Variants in RAD51C observed in about 807,000 individuals in gnomAD.
RAD51C encodes RAD51 paralog C.
Under a neutral mutation model 45.0 loss-of-function variants are expected in RAD51C, and 42 were observed. That is an observed-to-expected ratio of 0.93 (90% CI 0.73 to 1.21). The LOEUF (loss-of-function observed/expected upper bound fraction) is 1.21. Ranked by LOEUF, RAD51C falls within the 50% of genes most tolerant of loss-of-function variation. The pLI is 0.00. For synonymous variants in RAD51C, 172 were observed against 159.8 expected (o/e 1.08, Z -0.58); for missense variants, 474 against 452.2 (o/e 1.05, Z -0.44).
At chr17:58,706,297 C>T (rs1022382272) in intron 4 of RAD51C, among the ~76,000 whole-genome samples, 7 of 151,922 alleles carry the variant, frequency 4.6e-5, no homozygotes, top group Admixed American at 2.0e-4. Flanking sequence ...CATGGTGGTG[C>T]GTGCCTGTAG....
chr17:58,697,598 G>A (rs2048065240), intron 3 of RAD51C, among the ~76,000 whole-genome samples: 1 of 149,832 alleles, frequency 6.7e-6, no homozygotes, highest in African/African-American at 2.5e-5. Flanking sequence ...GGATTGTTAA[G>A]CAGATTGACT....
In RAD51C at chr17:58,724,121, A is replaced by G. The variant is rs752811386; in HGVS notation, c.965+21A>G. On this transcript the variant is annotated intron_variant, in intron 7 of 8. Coordinates refer to ENST00000337432, the MANE Select transcript of RAD51C (RefSeq NM_058216.3). ...CAAAGGTCAGTACAGAAACAAGTTA[A>G]TAACTCCGAATATTGGGTTAATTAT... is the stretch of plus-strand genomic sequence containing the variant. The G allele has an allele frequency of 5.0e-6, 8 of 1,584,438 alleles. No individual in the cohort carries two copies. In the South Asian group the frequency reaches 5.5e-5, roughly 11 times the overall value.
In RAD51C at chr17:58,723,231, T is replaced by C. The variant is rs371471687; in HGVS notation, c.905-809T>C. Among the ~76,000 whole-genome samples the C allele has an allele frequency of 2.0e-5, 3 of 152,268 alleles. No individual in the cohort carries two copies. The South Asian group carries it at 6.2e-4, about 32-fold the overall frequency. ...TCTACCTCACAAATTATATCCACCTTTTCATTTCCTTGCACTGTGTCTGCA... is the reference window on the plus strand; with the variant it reads ...TCTACCTCACAAATTATATCCACCTCTTCATTTCCTTGCACTGTGTCTGCA... On this transcript the variant is annotated intron_variant, in intron 6 of 8. Coordinates refer to ENST00000337432, the MANE Select transcript of RAD51C (RefSeq NM_058216.3).
intron 5 of RAD51C, among the ~76,000 whole-genome samples, chr17:58,712,381 G>A (rs1223615543): frequency 2.0e-5 from 3 of 147,370 alleles, no homozygotes; most frequent in African/African-American, 7.5e-5. Flanking sequence ...TTTAAGTTAT[G>A]TATGCTTTTT....
intron 3 of RAD51C, chr17:58,699,894 G>A (rs1283945578): frequency 6.6e-6 from 1 of 152,082 alleles, no homozygotes; most frequent in Non-Finnish European, 1.5e-5. Context: ...CTACCGCCCG[G>A]GCTGGAGTGC....
intron 4 of RAD51C, among the ~76,000 whole-genome samples, chr17:58,705,622 G>A (rs2567902): frequency 6.6e-6 from 1 of 152,026 alleles, no homozygotes; most frequent in Non-Finnish European, 1.5e-5. Context: ...GTGAGCCACC[G>A]TGCCTGACCC....
chr17:58,716,772 CTTT>C (rs754486379), intron 5 of RAD51C, among the ~76,000 whole-genome samples: 3 of 115,694 alleles, frequency 2.6e-5, no homozygotes, highest in Non-Finnish European at 1.8e-5. Flanking sequence ...TCTAATGTAA[CTTT>C]TTTTTTTTTT....
chr17:58,720,869 A>T (rs2143933641), intron 6 of RAD51C, 57 bp downstream of exon 6: 1 of 1,413,700 alleles, frequency 7.1e-7, no homozygotes, highest in Non-Finnish European at 9.9e-7. Flanking sequence ...TATCTCTTTC[A>T]TTTGATTCTC....
intron 1 of RAD51C, 64 bp from the exon 2 acceptor site, chr17:58,694,867 G>A (rs1260654371): frequency 1.0e-5 from 14 of 1,374,628 alleles, no homozygotes; most frequent in African/African-American, 8.6e-5. Flanking sequence ...AAAGACAATC[G>A]ATTATCATGT....
At chr17:58,731,315 A>G (rs2049412973) in intron 7 of RAD51C, among the ~76,000 whole-genome samples, 1 of 148,226 alleles carries the variant, frequency 6.7e-6, no homozygotes, top group Non-Finnish European at 1.5e-5. Flanking sequence ...GCTGGAGTGC[A>G]ATGGCATGAT....
intron 3 of RAD51C, among the ~76,000 whole-genome samples, chr17:58,699,283 G>A (rs1428732107): frequency 2.0e-5 from 3 of 152,178 alleles, no homozygotes; most frequent in South Asian, 4.1e-4. Flanking sequence ...TGGGATTACA[G>A]GCATGAGCTA....
chr17:58,720,663 G>A (rs1452804063), intron 5 of RAD51C, 83 bp from the exon 6 acceptor site: 5 of 1,017,634 alleles, frequency 4.9e-6, no homozygotes, highest in Non-Finnish European at 7.6e-6. Context: ...AGTAGAGATG[G>A]GGTTTCACAA....
chr17:58,711,968 A>G (rs2048570728), intron 5 of RAD51C, among the ~76,000 whole-genome samples: 1 of 151,940 alleles, frequency 6.6e-6, no homozygotes, highest in East Asian at 1.9e-4. Context: ...TGGAAGGCCA[A>G]AGTGGGAGGA....
At chr17:58,717,584 A>G (rs1356574855) in intron 5 of RAD51C, among the ~76,000 whole-genome samples, 3 of 152,102 alleles carry the variant, frequency 2.0e-5, no homozygotes, top group Non-Finnish European at 2.9e-5. Flanking sequence ...CAAAAATACA[A>G]GCTTAACCAG....
intron 3 of RAD51C, among the ~76,000 whole-genome samples, chr17:58,701,085 G>A (rs1230357186): frequency 6.6e-6 from 1 of 152,018 alleles, no homozygotes; most frequent in Non-Finnish European, 1.5e-5. Context: ...ATTTTTTGTA[G>A]AGACGGAGTT....
chr17:58,692,869 C>T (rs1455672005), intron 1 of RAD51C, 81 bp downstream of exon 1: 4 of 1,599,194 alleles, frequency 2.5e-6, no homozygotes, highest in African/African-American at 2.7e-5. Flanking sequence ...CCTCGGCCTT[C>T]AGCCCAGTCT....
chr17:58,695,444 T>C, intron 2 of RAD51C: 1 of 951,508 alleles, frequency 1.1e-6, no homozygotes, highest in Non-Finnish European at 1.4e-6. Flanking sequence ...AACAGGAAGT[T>C]TCTGCGTTAT....
In RAD51C at chr17:58,709,705, T is replaced by C; in HGVS notation, c.706-154T>C. 4.5e-6 allele frequency: 3 copies of C among 669,004 alleles called. No individual in the cohort carries two copies. In the South Asian group the frequency reaches 5.8e-5, roughly 13 times the overall value. The allele number at this position is 669,004 out of a possible 1,614,324, so 41.4% of individuals were successfully genotyped here. ...GACACCTCCTTTCCTATATGCTATT[T>C]ACTGTTCCAGGCATTGGGGATGATA... On this transcript the variant is annotated intron_variant, in intron 4 of 8. Transcript: ENST00000337432.
rs191336485 is a variant in RAD51C, at chr17:58,705,348, G to A, written c.705+2019G>A. On this transcript the variant is annotated intron_variant, in intron 4 of 8. Transcript: ENST00000337432. ...CCTGGTGTTTTTTCTTTTTTTTGGG[G>A]GGGGGGTGGAGTTTCGCTTTTGTCA... 9.3e-3 allele frequency among the ~76,000 whole-genome samples: 1,404 copies of A among 150,978 alleles called. 20 individuals are homozygous for A. The highest frequency in any genetic ancestry group is 0.031 in the African/African-American group (1,285 of 41,192).
Sources: allele counts gnomAD v4.1 joint callset (sites outside exome capture counted in the v4.1 genomes callset), GRCh38; gene constraint gnomAD v4.1.1; transcripts MANE v1.5; gene names NCBI Gene and HGNC (gene_info 2026-07-23, HGNC 2026-07-21).